TNRC6A: variants seen among roughly 807,000 people sequenced by gnomAD.
TNRC6A encodes the protein trinucleotide repeat containing adaptor 6A.
A neutral mutation model predicts 221.2 loss-of-function variants in TNRC6A; 44 were observed. The observed-to-expected ratio is 0.20, with a 90% CI of 0.16 to 0.26. The LOEUF is 0.26. Among genes scored for constraint, TNRC6A ranks in the 10% least tolerant of loss-of-function variants. The probability of loss-of-function intolerance (pLI) is 1.00; values close to 1 mark genes in which losing one functional copy is unlikely to be tolerated. For missense variants in TNRC6A, 2,199 were observed against 2,404.4 expected (o/e 0.91, Z 1.79); for synonymous variants, 847 against 838.5 (o/e 1.01, Z -0.18).
intron 4 of TNRC6A, among the ~76,000 whole-genome samples, chr16:24,767,139 T>C: frequency 6.6e-6 from 1 of 152,208 alleles, no homozygotes; most frequent in East Asian, 1.9e-4. Context: ...GTGGACCATA[T>C]CGTATATATG....
intron 2 of TNRC6A, among the ~76,000 whole-genome samples, chr16:24,701,783 A>G (rs11863676): frequency 0.53 from 80,266 of 152,026 alleles, 23,488 homozygotes; most frequent in East Asian, 0.82. Flanking sequence ...TAAGAAAAAC[A>G]TTCTCTGCAC....
chr16:24,685,854 A>G (rs1197380023), intron 2 of TNRC6A, among the ~76,000 whole-genome samples: 2 of 152,202 alleles, frequency 1.3e-5, no homozygotes, highest in Non-Finnish European at 2.9e-5. Flanking sequence ...CAAAATGTGT[A>G]GAAATGTGCC....
chr16:24,658,177 A>C (rs1423659488), intron 2 of TNRC6A, among the ~76,000 whole-genome samples: 2 of 152,178 alleles, frequency 1.3e-5, no homozygotes, highest in African/African-American at 4.8e-5. Context: ...GTTAACATTT[A>C]CAGTTTTGTT....
At position 24,816,702 on chromosome 16, in the gene TNRC6A, A is replaced by T. The variant is rs760924295; in HGVS notation, c.4832-114A>T. 3.9e-4 allele frequency: 483 copies of T among 1,246,038 alleles called. 1 individual carries two copies. Among genetic ancestry groups the T allele is most frequent in the Non-Finnish European group, 5.0e-4 (455 of 905,510 alleles). 77.2% of individuals were successfully genotyped at this position (1,246,038 alleles called of 1,614,324 possible). ...CCATCCTCTTAGAGTATTAGTGTAA[A>T]TTGGAAAGTATTTGAGAGTTGCATA... On this transcript the variant is annotated intron_variant, in intron 19 of 24. Coordinates refer to ENST00000395799, the MANE Select transcript of TNRC6A (RefSeq NM_014494.4).
chr16:24,656,766 CTACCT>C (rs1477241244), intron 2 of TNRC6A, among the ~76,000 whole-genome samples: 3 of 151,938 alleles, frequency 2.0e-5, no homozygotes, highest in African/African-American at 7.2e-5. Flanking sequence ...AAAAGGAACC[CTACCT>C]TTCAAAACTG....
At chr16:24,802,438 A>G (rs760268683) in intron 11 of TNRC6A, among the ~76,000 whole-genome samples, 3 of 152,100 alleles carry the variant, frequency 2.0e-5, no homozygotes, top group Non-Finnish European at 4.4e-5. Flanking sequence ...GGGCCCAGCT[A>G]CTCAGGAAGC....
intron 2 of TNRC6A, among the ~76,000 whole-genome samples, chr16:24,720,929 C>T (rs1055919710): frequency 6.6e-5 from 10 of 151,610 alleles, no homozygotes; most frequent in African/African-American, 2.4e-4. Context: ...GTGGCAGGCA[C>T]CTGTAGTCCC....
At chr16:24,675,389 A>T (rs2055388166) in intron 2 of TNRC6A, among the ~76,000 whole-genome samples, 6 of 151,806 alleles carry the variant, frequency 4.0e-5, no homozygotes, top group Admixed American at 3.9e-4. Flanking sequence ...GCTTTAAAAG[A>T]GGCTCTCCAA....
rs35308503 is a variant in TNRC6A at position 24,649,816 on chromosome 16, CTTTTTTTT to C, written n.402+8827_402+8834del. On this transcript the variant is annotated intron_variant and non_coding_transcript_variant, in intron 2 of 2. Transcript: ENST00000566108. ...CCCCCAGCTTCCAGTCTCTCTCTCT[CTTTTTTTT>C]TTTTTTTTTTTTTTTTTTTGGAGAT... 2.3e-4 allele frequency among the ~76,000 whole-genome samples: 18 copies of C among 78,922 alleles called. No homozygotes were observed. In the East Asian group the frequency reaches 4.3e-3, roughly 19 times the overall value. The allele number at this position is 78,922 out of a possible 152,430, so 51.8% of individuals were successfully genotyped here.
chr16:24,799,101 T>C (rs1231826489), intron 11 of TNRC6A, among the ~76,000 whole-genome samples: 1 of 152,202 alleles, frequency 6.6e-6, no homozygotes, highest in African/African-American at 2.4e-5. Context: ...GTGAGCATTG[T>C]AGGTGCCTTG....
chr16:24,672,617 A>G (rs1200767923), intron 2 of TNRC6A, among the ~76,000 whole-genome samples: 3 of 151,550 alleles, frequency 2.0e-5, no homozygotes, highest in Non-Finnish European at 2.9e-5. Context: ...AATTTTTGCT[A>G]TTTTTTGTAG....
chr16:24,747,583 T>A (rs1200855402), intron 2 of TNRC6A, among the ~76,000 whole-genome samples: 3 of 152,048 alleles, frequency 2.0e-5, no homozygotes, highest in African/African-American at 7.2e-5. Flanking sequence ...CTTAAGTGAG[T>A]CTCTATGAAC....
intron 2 of TNRC6A, among the ~76,000 whole-genome samples, chr16:24,708,639 C>T (rs2056145541): frequency 2.0e-5 from 3 of 152,072 alleles, no homozygotes; most frequent in African/African-American, 7.2e-5. Flanking sequence ...TCTTTTGTCT[C>T]TCACCCACCT....
At chr16:24,631,639 G>A (rs1901344690) in intron 1 of TNRC6A, among the ~76,000 whole-genome samples, 1 of 152,036 alleles carries the variant, frequency 6.6e-6, no homozygotes, top group East Asian at 1.9e-4. Context: ...TGGCGTGGTG[G>A]CGCACGCCTG....
intron 2 of TNRC6A, among the ~76,000 whole-genome samples, chr16:24,668,861 C>G (rs2055229725): frequency 6.6e-6 from 1 of 152,204 alleles, no homozygotes; most frequent in African/African-American, 2.4e-5. Flanking sequence ...GCCTTTAACA[C>G]CTCTCTGAGC....
chr16:24,822,331 GC>G (rs1239349863), intron 23 of TNRC6A, among the ~76,000 whole-genome samples, 184 bp downstream of exon 23: 1 of 152,192 alleles, frequency 6.6e-6, no homozygotes, highest in Non-Finnish European at 1.5e-5. Flanking sequence ...GCTGTAATGT[GC>G]CTGGGAACCA....
intron 19 of TNRC6A, 171 bp downstream of exon 19, chr16:24,815,476 G>A: frequency 1.3e-6 from 1 of 741,632 alleles, no homozygotes; most frequent in East Asian, 2.7e-5. Flanking sequence ...TCTTGGGCAA[G>A]TGAGTGTGTC....
At chr16:24,819,545 T>TTTTTA (rs1174161212) in intron 21 of TNRC6A, 3 of 145,256 alleles carry the variant, frequency 2.1e-5, no homozygotes, top group East Asian at 2.0e-4. Context: ...TTTTTTGTTT[T>TTTTTA]GCCATACAGG....
At chr16:24,811,806 AATG>A (rs1039922944) in intron 18 of TNRC6A, among the ~76,000 whole-genome samples, 3 of 151,934 alleles carry the variant, frequency 2.0e-5, no homozygotes, top group Non-Finnish European at 4.4e-5. Flanking sequence ...TTGCTAGTAA[AATG>A]ATATTTTTGT....
Sources: allele counts gnomAD v4.1 joint callset (sites outside exome capture counted in the v4.1 genomes callset), GRCh38; gene constraint gnomAD v4.1.1; transcripts MANE v1.5; gene names NCBI Gene and HGNC (gene_info 2026-07-23, HGNC 2026-07-21).